The following AGAP1 variants were observed in gnomAD, a reference collection of about 807,000 sequenced individuals.
AGAP1 encodes the protein arf-GAP with GTPase, ANK repeat and PH domain-containing protein 1.
Under a neutral mutation model 105.3 loss-of-function variants are expected in AGAP1, and 29 were observed. The ratio of observed to expected loss-of-function variants is 0.28; its 90% CI spans 0.21 to 0.38. AGAP1 has a LOEUF of 0.38. Ranked by LOEUF, AGAP1 falls within the 10% of genes least tolerant of loss-of-function variation. The pLI, the probability that AGAP1 is intolerant of heterozygous loss-of-function variation, is 1.00. For synonymous variants in AGAP1, 509 were observed against 485.9 expected (o/e 1.05, Z -0.63); for missense variants, 998 against 1,165.1 (o/e 0.86, Z 2.09).
chr2:235,668,042 C>G (rs1948186894), intron 1 of AGAP1, among the ~76,000 whole-genome samples: 1 of 147,884 alleles, frequency 6.8e-6, no homozygotes, highest in African/African-American at 2.5e-5. Flanking sequence ...CCCCTCCTTA[C>G]AATGAGGATG....
rs780244856 is a variant in AGAP1 at position 236,040,806 on chromosome 2, G to A, written c.1856G>A (p.Arg619His). The change falls in exon 15 of 18, where the codon CGC becomes CAC. Residue 619 changes from arginine to histidine, a missense_variant. This residue lies in a region of AGAP1 where 735 missense variants were observed against 833.4 expected (regional missense o/e 0.88). Transcript: ENST00000304032. The surrounding 1 kb of genome is among the most constrained non-coding windows in gnomAD (Gnocchi z 5.6). The part of the protein sequence containing the change: ...AMALQSIRNM[R>H]GNSHCVDCET... ...GCCCTGCAGTCGATCCGGAACATGCGCGGGAACTCCCACTGTGTGGACTGC... is the reference window on the plus strand; with the variant it reads ...GCCCTGCAGTCGATCCGGAACATGCACGGGAACTCCCACTGTGTGGACTGC... 31 of 1,613,982 alleles carry A rather than the reference G, an allele frequency of 1.9e-5. 1 individual carries two copies. Among genetic ancestry groups the A allele is most frequent in the South Asian group, 1.5e-4 (14 of 91,084 alleles).
intron 2 of AGAP1, among the ~76,000 whole-genome samples, chr2:235,717,020 C>A (rs1951144806): frequency 6.6e-6 from 1 of 152,256 alleles, no homozygotes; most frequent in Middle Eastern, 3.4e-3. Flanking sequence ...CCCTCCTCGC[C>A]TGTGTGGCCG....
chr2:235,590,406 C>T (rs887823881), intron 1 of AGAP1, among the ~76,000 whole-genome samples: 9 of 152,072 alleles, frequency 5.9e-5, no homozygotes, highest in East Asian at 5.8e-4. Context: ...GTGTCTGCAC[C>T]TCCTAGGGAT....
chr2:235,881,161 A>G (rs1234761726), intron 9 of AGAP1, among the ~76,000 whole-genome samples: 3 of 152,238 alleles, frequency 2.0e-5, no homozygotes, highest in Non-Finnish European at 4.4e-5. Context: ...ATACTTTATT[A>G]AGTTTGTGAA....
rs116467440 is a variant in AGAP1, at chr2:235,904,895, A to G, written c.1156-3843A>G. ...TCGGAGGGCTTTTATTGAGTAGGAA[A>G]TGCATTTTGTAAAATTTTTAAAAAT... On this transcript the variant is annotated intron_variant, in intron 10 of 17. Transcript: ENST00000304032. The surrounding 1 kb of genome is among the most constrained non-coding windows in gnomAD (Gnocchi z 4.2). 8.5e-3 allele frequency among the ~76,000 whole-genome samples: 1,292 copies of G among 152,324 alleles called. 13 individuals are homozygous for G. Among genetic ancestry groups the G allele is most frequent in the African/African-American group, 0.03 (1,227 of 41,572 alleles).
At chr2:235,763,301 A>AC (rs1491374419) in intron 6 of AGAP1, among the ~76,000 whole-genome samples, 14 of 126,572 alleles carry the variant, frequency 1.1e-4, no homozygotes, top group African/African-American at 5.5e-4. Flanking sequence ...AATATTCCAC[A>AC]AAAAAAAAAA....
At chr2:236,039,825 T>C (rs985056364) in intron 14 of AGAP1, among the ~76,000 whole-genome samples, 2 of 152,194 alleles carry the variant, frequency 1.3e-5, no homozygotes, top group African/African-American at 4.8e-5. Flanking sequence ...AGAACAGACA[T>C]CAAAATGTTA....
In AGAP1 at chr2:236,105,468, A is replaced by T. The variant is rs2059459331; in HGVS notation, c.2115-14724A>T. Among the ~76,000 whole-genome samples, 1 of 148,488 alleles carries T rather than the reference A, an allele frequency of 6.7e-6. No individual in the cohort carries two copies. Among genetic ancestry groups the T allele is most frequent in the Non-Finnish European group, 1.5e-5 (1 of 67,312 alleles). ...GGTGTTGGCTGATTCATTTCTGGTGAGGGGCCTCTTCCTGGCTTATAGACA... is the reference window on the plus strand; with the variant it reads ...GGTGTTGGCTGATTCATTTCTGGTGTGGGGCCTCTTCCTGGCTTATAGACA... On this transcript the variant is annotated intron_variant, in intron 16 of 17. Transcript: ENST00000304032. This position sits in a 1 kb window ranked among gnomAD's most constrained non-coding sequence, Gnocchi z 4.2.
chr2:235,955,030 A>G (rs986021843), intron 12 of AGAP1, among the ~76,000 whole-genome samples: 1 of 152,166 alleles, frequency 6.6e-6, no homozygotes, highest in Non-Finnish European at 1.5e-5. Context: ...TTAGTTGACC[A>G]AGATGGAGAA....
intron 10 of AGAP1, among the ~76,000 whole-genome samples, chr2:235,884,351 C>T (rs1336726655): frequency 6.6e-6 from 1 of 151,648 alleles, no homozygotes; most frequent in Non-Finnish European, 1.5e-5. Flanking sequence ...CTCTAGATTA[C>T]TTATAATATG....
intron 12 of AGAP1, among the ~76,000 whole-genome samples, chr2:235,942,579 A>C (rs2053310293): frequency 6.6e-6 from 1 of 151,968 alleles, no homozygotes; most frequent in Non-Finnish European, 1.5e-5. Context: ...CAGGAGGCTG[A>C]GGCAGGAGAA....
rs199846846 is a variant in AGAP1 at position 235,686,620 on chromosome 2, GATATATATATATATATATATATATAGAT to G, written c.164-22540_164-22513del. On this transcript the variant is annotated intron_variant, in intron 1 of 17. Coordinates refer to ENST00000304032, the MANE Select transcript of AGAP1 (RefSeq NM_001037131.3). ...GTGTATATATATACGTGGAGATATA[GATATATATATATATATATATATATAGAT>G]ATATATATATATATATATTTTTTTT... Among the ~76,000 whole-genome samples, 30 of 57,244 alleles carry G rather than the reference GATATATATATATATATATATATATAGAT, an allele frequency of 5.2e-4. 1 individual carries two copies. The highest frequency in any genetic ancestry group is 2.1e-3 in the South Asian group (6 of 2,870). 37.6% of individuals were successfully genotyped at this position (57,244 alleles called of 152,430 possible). A position where few individuals can be genotyped will look rare whatever the true frequency, so the allele number is the denominator to read the frequency against.
intron 6 of AGAP1, among the ~76,000 whole-genome samples, chr2:235,762,748 C>A (rs1251741397): frequency 1.3e-5 from 2 of 152,146 alleles, no homozygotes; most frequent in Admixed American, 1.3e-4. Flanking sequence ...TGGTGGGCAC[C>A]TGTAATCCCA....
chr2:235,951,112 A>G lies in AGAP1; in HGVS notation c.1484-17350A>G, dbSNP rs575767705. On this transcript the variant is annotated intron_variant, in intron 12 of 17. Coordinates refer to ENST00000304032, the MANE Select transcript of AGAP1 (RefSeq NM_001037131.3). This position sits in a 1 kb window ranked among gnomAD's most constrained non-coding sequence, Gnocchi z 4.2. ...AAATATCATTAATTCTGGAGGTTGC[A>G]CTCTGAATGATTTCTTATTTTGTGG... is the stretch of plus-strand genomic sequence containing the variant. 6.6e-6 allele frequency among the ~76,000 whole-genome samples: 1 copy of G among 152,246 alleles called. No individual in the cohort carries two copies. The highest frequency in any genetic ancestry group is 2.1e-4 in the South Asian group (1 of 4,816).
In AGAP1 at chr2:235,792,703, G is replaced by A. The variant is rs1957052080; in HGVS notation, c.674-5056G>A. On this transcript the variant is annotated intron_variant, in intron 6 of 17. Transcript: ENST00000304032. The surrounding 1 kb of genome is among the most constrained non-coding windows in gnomAD (Gnocchi z 5.3). ...TGAAGAGCGGGTTGTGCCATCGACT[G>A]AGCTAGAAAACAGACGAGAGGCAGG... Among the ~76,000 whole-genome samples the A allele has an allele frequency of 6.6e-6, 1 of 152,212 alleles. No homozygotes were observed. The highest frequency in any genetic ancestry group is 1.5e-5 in the Non-Finnish European group (1 of 68,032).
At chr2:235,761,523 C>T (rs1954436886) in intron 6 of AGAP1, among the ~76,000 whole-genome samples, 1 of 152,192 alleles carries the variant, frequency 6.6e-6, no homozygotes, top group Non-Finnish European at 1.5e-5. Context: ...CCCAGGACTT[C>T]TCTCTAATGA....
Position 235,739,236 on chromosome 2 carries a change from G to A in AGAP1, c.311-1727G>A, listed in dbSNP as rs1559417632. ...TCAGGCAGAGCTAGGCCAGTATCGG[G>A]GTCTGGGGGCGACCGTCTGCAGCAC... On this transcript the variant is annotated intron_variant, in intron 3 of 17. Coordinates refer to ENST00000304032, the MANE Select transcript of AGAP1 (RefSeq NM_001037131.3). This position sits in a 1 kb window ranked among gnomAD's most constrained non-coding sequence, Gnocchi z 5.3. Among the ~76,000 whole-genome samples, 2 of 152,232 alleles carry A rather than the reference G, an allele frequency of 1.3e-5. No individual in the cohort carries two copies. Among genetic ancestry groups the A allele is most frequent in the African/African-American group, 4.8e-5 (2 of 41,460 alleles).
rs897176422 is a variant in AGAP1, at chr2:235,608,129, T to C, written c.164-101050T>C. ...GGTCGTTTTTAGCTTTGCCCACTTT[T>C]CATTTTTGGCTTCACAGAGTGATGC... On this transcript the variant is annotated intron_variant, in intron 1 of 17. Transcript: ENST00000304032. The surrounding 1 kb of genome is among the most constrained non-coding windows in gnomAD (Gnocchi z 5.4). Among the ~76,000 whole-genome samples the C allele has an allele frequency of 1.3e-5, 2 of 152,164 alleles. No homozygotes were observed. Among genetic ancestry groups the C allele is most frequent in the Admixed American group, 1.3e-4 (2 of 15,272 alleles).
intron 1 of AGAP1, among the ~76,000 whole-genome samples, chr2:235,562,944 C>T (rs892843375): frequency 6.6e-6 from 1 of 152,028 alleles, no homozygotes; most frequent in Non-Finnish European, 1.5e-5. Flanking sequence ...CCTGTAGTCC[C>T]AGCTACTCCG....
Sources: allele counts gnomAD v4.1 joint callset (sites outside exome capture counted in the v4.1 genomes callset), GRCh38; gene constraint gnomAD v4.1.1; regional missense constraint gnomAD v4.1.1; non-coding constraint Gnocchi (gnomAD v3.1); transcripts MANE v1.5; gene names NCBI Gene and HGNC (gene_info 2026-07-23, HGNC 2026-07-21).